Variants in UNC80 observed in about 807,000 individuals in gnomAD.
The protein encoded by UNC80 is unc-80 subunit of NALCN channel complex.
A neutral mutation model predicts 384.6 loss-of-function variants in UNC80; 164 were observed. The observed-to-expected ratio is 0.43, with a 90% CI of 0.38 to 0.49. UNC80 has a LOEUF of 0.49. UNC80 is among the 20% of genes least tolerant of loss of function. The probability of loss-of-function intolerance (pLI) is 0.00; values close to 1 mark genes in which losing one functional copy is unlikely to be tolerated. For synonymous variants in UNC80, 1,486 were observed against 1,527.8 expected (o/e 0.97, Z 0.64); for missense variants, 3,330 against 4,143.0 (o/e 0.80, Z 5.39).
Position 209,820,525 on chromosome 2 carries a change from C to G in UNC80, c.2177C>G (p.Thr726Ser). ...FQFKGVSGSSTCGFGGPAVSG... is the reference protein window; with the variant it reads ...FQFKGVSGSSSCGFGGPAVSG... ...TTCAAAGGAGTATCTGGAAGTTCCA[C>G]CTGTGGATTCGGAGGCCCTGCTGTT... is the stretch of plus-strand genomic sequence containing the variant. The change falls in exon 13 of 65, where the codon ACC (threonine) becomes AGC (serine). Residue 726 changes from threonine to serine, a missense_variant. Thr to Ser is a moderately conservative substitution (Grantham distance 58, BLOSUM62 1). Around this residue, in one of 8 missense-constraint regions of UNC80, gnomAD observed 937 missense variants for 1,026.8 expected, o/e 0.91. Transcript: ENST00000673920. The G allele has an allele frequency of 6.4e-7, 1 of 1,550,894 alleles. No individual in the cohort carries two copies. Among genetic ancestry groups the G allele is most frequent in the Non-Finnish European group, 8.7e-7 (1 of 1,146,834 alleles).
intron 13 of UNC80, among the ~76,000 whole-genome samples, chr2:209,822,176 G>A (rs750601495): frequency 5.3e-5 from 8 of 152,056 alleles, no homozygotes; most frequent in Non-Finnish European, 1.0e-4. Context: ...TTTTCTATAC[G>A]ATTTTCTTCT....
At position 209,960,542 on chromosome 2, in the gene UNC80, A is replaced by G. The variant is rs2092558325; in HGVS notation, c.7805+835A>G. Among the ~76,000 whole-genome samples the G allele has an allele frequency of 2.0e-5, 3 of 152,376 alleles. No individual in the cohort carries two copies. The South Asian group carries it at 6.2e-4, about 32-fold the overall frequency. On this transcript the variant is annotated intron_variant, in intron 51 of 64. Coordinates refer to ENST00000673920, the MANE Select transcript of UNC80 (RefSeq NM_001371986.1). ...GAAATTTTAACGTATCTATAAAGGT[A>G]AAAGTAGAGTTAGGTTCAGCCACTT...
chr2:209,939,788 C>T (rs1478746880), intron 43 of UNC80, 136 bp downstream of exon 43: 1 of 736,670 alleles, frequency 1.4e-6, no homozygotes, highest in Admixed American at 3.1e-5. Flanking sequence ...CATATGTATA[C>T]ATGTGCCATG....
intron 7 of UNC80, among the ~76,000 whole-genome samples, chr2:209,810,947 G>C (rs565410337): frequency 6.6e-5 from 10 of 152,134 alleles, no homozygotes; most frequent in Admixed American, 5.2e-4. Flanking sequence ...GCATGGGGGT[G>C]GGGGGAAGGA....
chr2:209,990,057 T>C (rs995132526), intron 61 of UNC80, among the ~76,000 whole-genome samples: 1 of 152,184 alleles, frequency 6.6e-6, no homozygotes, highest in African/African-American at 2.4e-5. Flanking sequence ...ATACTAAAGC[T>C]ATAAACTTGA....
chr2:209,846,633 T>G (rs886117048), intron 21 of UNC80, among the ~76,000 whole-genome samples: 3 of 152,118 alleles, frequency 2.0e-5, no homozygotes, highest in Non-Finnish European at 4.4e-5. Flanking sequence ...AAAAATGCAT[T>G]CTACGTAAAT....
chr2:209,993,950 C>T (rs2125034471), intron 63 of UNC80, 115 bp from the exon 64 acceptor site: 2 of 888,062 alleles, frequency 2.3e-6, no homozygotes, highest in Middle Eastern at 7.0e-4. Flanking sequence ...AATAAACCAG[C>T]AATGTTTTTA....
chr2:209,919,261 T>C (rs1362027069), intron 33 of UNC80, among the ~76,000 whole-genome samples: 1 of 152,140 alleles, frequency 6.6e-6, no homozygotes, highest in Non-Finnish European at 1.5e-5. Flanking sequence ...TTTTCACCTG[T>C]TTAATAGTAT....
intron 7 of UNC80, among the ~76,000 whole-genome samples, chr2:209,801,708 C>A (rs200385053): frequency 5.7e-5 from 3 of 52,946 alleles, no homozygotes; most frequent in Non-Finnish European, 1.2e-4. Context: ...TTTTTTTTTG[C>A]TTTTTATCTG....
Position 209,777,554 on chromosome 2 carries a change from A to T in UNC80, c.595A>T (p.Ile199Phe). The T allele has an allele frequency of 6.2e-7, 1 of 1,605,750 alleles. No homozygotes were observed. The highest frequency in any genetic ancestry group is 1.1e-5 in the South Asian group (1 of 89,434). Reference sequence around the variant, plus strand: ...TCTGTTTGCTCCCCTGGTACACAGGATCAAGGTAAGCAGAAACCCAGTGTT... The same window carrying T: ...TCTGTTTGCTCCCCTGGTACACAGGTTCAAGGTAAGCAGAAACCCAGTGTT... ...VFLFAPLVHR[I>F]KESDLTFRLA... The change falls in exon 4 of 65, where the codon ATC becomes TTC. Residue 199 changes from isoleucine to phenylalanine, a missense_variant. Transcript: ENST00000673920.
chr2:209,808,739 G>A lies in UNC80; in HGVS notation c.939-4841G>A, dbSNP rs375059629. 6 of 45,324 alleles carry A rather than the reference G, an allele frequency of 1.3e-4. No individual in the cohort carries two copies. In the Admixed American group the frequency reaches 1.4e-3, roughly 10 times the overall value. The allele number at this position is 45,324 out of a possible 1,614,324, so 2.8% of individuals were successfully genotyped here. A position where few individuals can be genotyped will look rare whatever the true frequency, so the allele number is the denominator to read the frequency against. ...GGCTGCACTCATTGCTCCAAGGCTC[G>A]GCCTAGTGAGTGGGTCGCCTGCGCT... On this transcript the variant is annotated intron_variant, in intron 7 of 64. Coordinates refer to ENST00000673920, the MANE Select transcript of UNC80 (RefSeq NM_001371986.1).
chr2:209,840,833 AG>A (rs2081683122), intron 20 of UNC80, among the ~76,000 whole-genome samples, 185 bp downstream of exon 20: 1 of 152,242 alleles, frequency 6.6e-6, no homozygotes, highest in African/African-American at 2.4e-5. Flanking sequence ...AGGCTATCAT[AG>A]GAAGGGAAAA....
In UNC80 at chr2:209,896,299, T is replaced by C. The variant is rs1026222699; in HGVS notation, c.4481-14T>C. Reference sequence around the variant, plus strand: ...CCGAACACTGAAACCTTTCTTGGTATTTTTCTTTTGAAGAAGGGAGTCCTT... The same window carrying C: ...CCGAACACTGAAACCTTTCTTGGTACTTTTCTTTTGAAGAAGGGAGTCCTT... On this transcript the variant is annotated splice_polypyrimidine_tract_variant and intron_variant, in intron 27 of 64. Coordinates refer to ENST00000673920, the MANE Select transcript of UNC80 (RefSeq NM_001371986.1). 1.9e-6 allele frequency: 3 copies of C among 1,550,240 alleles called. No individual in the cohort carries two copies. The highest frequency in any genetic ancestry group is 2.0e-5 in the Admixed American group (1 of 50,956).
intron 17 of UNC80, 31 bp from the exon 18 acceptor site, chr2:209,834,881 C>T: frequency 1.3e-6 from 2 of 1,509,022 alleles, no homozygotes; most frequent in Non-Finnish European, 9.0e-7. Context: ...TCCTGCTCTG[C>T]TGTAATTGTT....
intron 48 of UNC80, 56 bp downstream of exon 48, chr2:209,954,326 AAAAAAAATAAG>A: frequency 7.3e-7 from 1 of 1,375,908 alleles, no homozygotes; most frequent in South Asian, 1.9e-5. Flanking sequence ...CCACTGAAAA[AAAAAAAATAAG>A]AAAAAAATGT....
At chr2:209,965,765 A>AT (rs1476401272) in intron 51 of UNC80, among the ~76,000 whole-genome samples, 1 of 151,784 alleles carries the variant, frequency 6.6e-6, no homozygotes, top group Non-Finnish European at 1.5e-5. Flanking sequence ...GGGAAACTGT[A>AT]TTTTTTCGTT....
chr2:209,820,258 G>A, intron 12 of UNC80, 53 bp from the exon 13 acceptor site: 1 of 1,474,758 alleles, frequency 6.8e-7, no homozygotes, highest in Non-Finnish European at 9.0e-7. Flanking sequence ...ATCTCTTTAG[G>A]AAGAGGGAGT....
chr2:209,902,904 C>CGTGTGTGT (rs56102642), intron 28 of UNC80, among the ~76,000 whole-genome samples: 25 of 141,214 alleles, frequency 1.8e-4, no homozygotes, highest in African/African-American at 6.0e-4. Context: ...CCTGTATACA[C>CGTGTGTGT]GTGTGTGTGT....
In UNC80 at chr2:209,831,540, C is replaced by T. The variant is rs776398058; in HGVS notation, c.2724C>T (p.Leu908=). 8.4e-6 allele frequency: 13 copies of T among 1,550,882 alleles called. No homozygotes were observed. The highest frequency in any genetic ancestry group is 5.9e-5 in the Admixed American group (3 of 50,854). Residue 908 remains leucine, a synonymous_variant, in exon 16 of 65, where the codon CTC becomes CTT. Transcript: ENST00000673920. Reference sequence around the variant, plus strand: ...TCGTCAGCGCCATGTTTAAATCCCTCATCACACGCTGCGCTTCAACCACAC... The same window carrying T: ...TCGTCAGCGCCATGTTTAAATCCCTTATCACACGCTGCGCTTCAACCACAC... ...GIIVSAMFKS[L]ITRCASTTHE... is the part of the protein sequence containing the mutation.
Sources: allele counts gnomAD v4.1 joint callset (sites outside exome capture counted in the v4.1 genomes callset), GRCh38; gene constraint gnomAD v4.1.1; regional missense constraint gnomAD v4.1.1; transcripts MANE v1.5; gene names NCBI Gene and HGNC (gene_info 2026-07-23, HGNC 2026-07-21).